GPAM: variants seen among roughly 807,000 people sequenced by gnomAD.
The protein encoded by GPAM is glycerol-3-phosphate acyltransferase 1, mitochondrial.
A neutral mutation model predicts 105.0 loss-of-function variants in GPAM; 56 were observed. That is an observed-to-expected ratio of 0.53 (90% CI 0.43 to 0.67). The LOEUF (loss-of-function observed/expected upper bound fraction) is 0.67. Among genes scored for constraint, GPAM ranks in the 30% least tolerant of loss-of-function variants. The pLI is 0.00. For missense variants in GPAM, 855 were observed against 989.8 expected (o/e 0.86, Z 1.83); for synonymous variants, 368 against 354.4 (o/e 1.04, Z -0.43).
rs761870163 is a variant in GPAM, at chr10:112,158,388, G to A, written c.1908C>T (p.Cys636=). The stretch of plus-strand genomic sequence containing the variant: ...CATGGCAGACTTGGTAAAATGTCTG[G>A]CAAGGCTGAAAAGAAAATTCATTTA... ...LSNEGTISLP[C]QTFYQVCHET... Residue 636 remains cysteine (C), a synonymous_variant, in exon 18 of 22, where the codon TGC becomes TGT. Transcript: ENST00000348367. 1.0e-5 allele frequency: 16 copies of A among 1,590,652 alleles called. No individual in the cohort carries two copies. The highest frequency in any genetic ancestry group is 8.6e-6 in the Non-Finnish European group (10 of 1,158,590).
At position 112,159,964 on chromosome 10, in the gene GPAM, G is replaced by A. The variant is rs767764938; in HGVS notation, c.1849C>T (p.Arg617Trp). The A allele has an allele frequency of 5.0e-6, 8 of 1,613,746 alleles. No individual in the cohort carries two copies. The African/African-American group carries it at 5.3e-5, about 11-fold the overall frequency. The change falls in exon 17 of 22, where the codon CGG becomes TGG. Residue 617 changes from arginine to tryptophan, a missense_variant. Arg to Trp is a moderately radical substitution (Grantham distance 101). Transcript: ENST00000348367. ...PNLISQEQLV[R>W]KAASLCYLLS... ...AGGTAGCACAGGCTGGCCGCCTTCC[G>A]CACCAGCTGCTCCTGGCTGATCAGG...
rs183503048 is a variant in GPAM at position 112,156,604 on chromosome 10, T to A, written c.2122-551A>T. The A allele has an allele frequency of 2.1e-3, 364 of 174,772 alleles. 3 individuals carry two copies. The highest frequency in any genetic ancestry group is 8.5e-3 in the African/African-American group (355 of 41,804). 10.8% of individuals were successfully genotyped at this position (174,772 alleles called of 1,614,324 possible). ...CTGTACCTACCCAAAACACACTGGT[T>A]CGGTCAAGCCCCTCTGGAGTGTGAA... On this transcript the variant is annotated intron_variant, in intron 19 of 21. Coordinates refer to ENST00000348367, the MANE Select transcript of GPAM (RefSeq NM_001244949.2).
chr10:112,197,436 G>A (rs1207421011), intron 1 of GPAM, among the ~76,000 whole-genome samples: 1 of 137,784 alleles, frequency 7.3e-6, no homozygotes, highest in Non-Finnish European at 1.6e-5. Flanking sequence ...GACCTGGTAA[G>A]GCATTCTTTT....
chr10:112,225,334 AG>A, the GPAM span, among the ~76,000 whole-genome samples: 2 of 152,134 alleles, frequency 1.3e-5, no homozygotes, highest in African/African-American at 4.8e-5. Flanking sequence ...AAGAGTCCTG[AG>A]GGTGGGGACC....
At chr10:112,169,039 G>A (rs1847268625) in intron 9 of GPAM, 87 bp from the exon 10 acceptor site, 2 of 887,712 alleles carry the variant, frequency 2.3e-6, no homozygotes, top group East Asian at 2.5e-5. Flanking sequence ...CATTTGCCAA[G>A]TGGATACAAG....
intron 1 of GPAM, among the ~76,000 whole-genome samples, chr10:112,200,167 A>AATATATATATATATATAT (rs10528337): frequency 6.9e-5 from 6 of 87,178 alleles, no homozygotes; most frequent in Non-Finnish European, 9.9e-5. Context: ...TTGTAAAGGA[A>AATATATATATATATATAT]ATATATATAT....
chr10:112,211,481 G>A (rs575071449), intron 1 of GPAM, among the ~76,000 whole-genome samples: 5 of 152,244 alleles, frequency 3.3e-5, no homozygotes, highest in Admixed American at 6.5e-5. Flanking sequence ...TGGTCGAGGC[G>A]GGCTATTAAG....
At chr10:112,178,481 C>T (rs1173417376) in intron 4 of GPAM, among the ~76,000 whole-genome samples, 1 of 152,000 alleles carries the variant, frequency 6.6e-6, no homozygotes, top group Non-Finnish European at 1.5e-5. Flanking sequence ...ACCTAAGAGA[C>T]GGAGGTTGCA....
Position 112,152,317 on chromosome 10 carries a change from G to T in GPAM, c.*1233C>A, listed in dbSNP as rs939230892. On this transcript the variant is annotated 3_prime_UTR_variant, in exon 22 of 22. Transcript: ENST00000348367. ...TAATTATGCTCCCTGCTCACAAAAG[G>T]CACCTACCAATTATGAACAGACCAT... is the stretch of plus-strand genomic sequence containing the variant. The T allele has an allele frequency of 2.0e-6, 2 of 984,428 alleles. No individual in the cohort carries two copies. Among genetic ancestry groups the T allele is most frequent in the African/African-American group, 3.5e-5 (2 of 57,142 alleles). The allele number at this position is 984,428 out of a possible 1,614,324, so 61.0% of individuals were successfully genotyped here.
intron 1 of GPAM, among the ~76,000 whole-genome samples, chr10:112,209,382 G>A (rs1589612070): frequency 6.6e-6 from 1 of 151,882 alleles, no homozygotes. Context: ...GGTAGTGGAA[G>A]GGGCCCCACC....
intron 1 of GPAM, among the ~76,000 whole-genome samples, chr10:112,196,061 C>T (rs1206876533): frequency 1.3e-5 from 2 of 152,088 alleles, no homozygotes; most frequent in African/African-American, 2.4e-5. Context: ...GAACAGAATG[C>T]CACAATCTAG....
At chr10:112,215,444 T>A (rs1376545572), upstream of GPAM, 1 of 152,226 alleles carries the variant, frequency 6.6e-6, no homozygotes, top group Admixed American at 6.5e-5. Context: ...CAGTCAGAGA[T>A]AAGGCCTGCT....
In GPAM at chr10:112,149,900, A is replaced by AT. The variant is rs1352039932; in HGVS notation, c.*3649dup. ...TTTTGGTTTATTAAAACAAAACTACATTTTCTGTGTTTCTTGCAATACACT... is the reference window on the plus strand; with the variant it reads ...TTTTGGTTTATTAAAACAAAACTACATTTTTCTGTGTTTCTTGCAATACACT... On this transcript the variant is annotated 3_prime_UTR_variant, in exon 22 of 22. Transcript: ENST00000348367. The AT allele has an allele frequency of 6.1e-6, 6 of 984,032 alleles. No individual in the cohort carries two copies. The highest frequency in any genetic ancestry group is 3.6e-6 in the Non-Finnish European group (3 of 828,396). The allele number at this position is 984,032 out of a possible 1,614,324, so 61.0% of individuals were successfully genotyped here.
chr10:112,182,514 T>A (rs1273067683), intron 2 of GPAM, among the ~76,000 whole-genome samples: 1 of 152,222 alleles, frequency 6.6e-6, no homozygotes, highest in Non-Finnish European at 1.5e-5. Flanking sequence ...AGAATAGATA[T>A]TAATCCAAAA....
In GPAM at chr10:112,152,098, TA is replaced by T; in HGVS notation, c.*1451del. 3.1e-6 allele frequency: 3 copies of T among 983,070 alleles called. No homozygotes were observed. Among genetic ancestry groups the T allele is most frequent in the Non-Finnish European group, 3.6e-6 (3 of 827,758 alleles). The allele number at this position is 983,070 out of a possible 1,614,324, so 60.9% of individuals were successfully genotyped here. On this transcript the variant is annotated 3_prime_UTR_variant, in exon 22 of 22. Coordinates refer to ENST00000348367, the MANE Select transcript of GPAM (RefSeq NM_001244949.2). ...TTACTCATGAGATACTATCAGTGTT[TA>T]AAATCCAAGCTTATGGAAGTACAAA...
intron 1 of GPAM, among the ~76,000 whole-genome samples, chr10:112,192,615 G>C (rs1847674945): frequency 6.6e-6 from 1 of 152,238 alleles, no homozygotes; most frequent in Admixed American, 6.5e-5. Flanking sequence ...ACTTGGCAGA[G>C]AGTGAGAACT....
At chr10:112,185,488 A>T (rs1321164662), upstream of GPAM, among the ~76,000 whole-genome samples, 2 of 11,762 alleles carry the variant, frequency 1.7e-4, no homozygotes, top group African/African-American at 4.1e-4. Flanking sequence ...AAAAATCTTT[A>T]AAAAAAAAAA....
chr10:112,169,989 C>T lies in GPAM; in HGVS notation c.795-1037G>A, dbSNP rs555895719. Among the ~76,000 whole-genome samples, 10 of 152,268 alleles carry T rather than the reference C, an allele frequency of 6.6e-5. No homozygotes were observed. The East Asian group carries it at 1.9e-3, about 29-fold the overall frequency. ...GATCTGTCACTGTCTCCTATCACCC[C>T]CAGTTGGGACCGTCTAGTGATTCTA... On this transcript the variant is annotated intron_variant, in intron 9 of 21. Coordinates refer to ENST00000348367, the MANE Select transcript of GPAM (RefSeq NM_001244949.2).
chr10:112,197,442 CTT>C (rs1298170824), intron 1 of GPAM, among the ~76,000 whole-genome samples: 78 of 119,298 alleles, frequency 6.5e-4, no homozygotes, highest in African/African-American at 2.0e-3. Flanking sequence ...GTAAGGCATT[CTT>C]TTTTTTTTTT....
Sources: gnomAD v4.1 joint callset for allele counts (sites outside exome capture counted in the v4.1 genomes callset) on GRCh38, gnomAD v4.1.1 for gene constraint, MANE v1.5 for transcripts, NCBI Gene and HGNC (gene_info 2026-07-23, HGNC 2026-07-21) for gene names.